The following CMTM8 variants were observed in gnomAD, a reference collection of about 807,000 sequenced individuals.
CMTM8 encodes the protein CKLF-like MARVEL transmembrane domain-containing protein 8.
In CMTM8, 12 loss-of-function variants were observed where a neutral mutation model predicts 18.6. The observed-to-expected ratio is 0.65, with a 90% CI of 0.41 to 1.05. The LOEUF (loss-of-function observed/expected upper bound fraction) is 1.05, where lower values mean the gene tolerates loss of function less well. Ranked by LOEUF, CMTM8 falls within the 50% of genes least tolerant of loss-of-function variation. The pLI is 0.00. For missense variants in CMTM8, 217 were observed against 227.2 expected (o/e 0.95, Z 0.29); for synonymous variants, 87 against 90.6 (o/e 0.96, Z 0.23).
In CMTM8 at chr3:32,312,777, G is replaced by A. The variant is rs73069420; in HGVS notation, c.148-44596G>A. On this transcript the variant is annotated intron_variant, in intron 1 of 3. Transcript: ENST00000307526. The stretch of plus-strand genomic sequence containing the variant: ...ACATGATTTGTGCCCCCTAGCAACC[G>A]CCCCCGATCCTGTGGTGGTTATCTA... Among the ~76,000 whole-genome samples, 1,181 of 151,388 alleles carry A rather than the reference G, an allele frequency of 7.8e-3. 9 individuals are homozygous for A. The highest frequency in any genetic ancestry group is 0.013 in the Non-Finnish European group (902 of 67,870).
rs369235967 is a variant in CMTM8 at position 32,239,151 on chromosome 3, G to A, written c.147+32G>A. On this transcript the variant is annotated intron_variant, in intron 1 of 3. Coordinates refer to ENST00000307526, the MANE Select transcript of CMTM8 (RefSeq NM_178868.5). ...GCCGACGGGCCGGGGGTGGCGGGGG[G>A]CTCAGCTGGACCCCGGCGCGTGCTT... 1.1e-5 allele frequency: 17 copies of A among 1,569,068 alleles called. No individual in the cohort carries two copies. In the African/African-American group the frequency reaches 1.4e-4, roughly 13 times the overall value.
In CMTM8 at chr3:32,246,339, C is replaced by T. The variant is rs1452312777; in HGVS notation, c.147+7220C>T. ...AGAGCAGGTTCTGGACATTCATTCCCCAGGGTTCCTCCCTGCTGGGTCTCT... is the reference window on the plus strand; with the variant it reads ...AGAGCAGGTTCTGGACATTCATTCCTCAGGGTTCCTCCCTGCTGGGTCTCT... On this transcript the variant is annotated intron_variant, in intron 1 of 3. Coordinates refer to ENST00000307526, the MANE Select transcript of CMTM8 (RefSeq NM_178868.5). 2.0e-5 allele frequency among the ~76,000 whole-genome samples: 3 copies of T among 152,126 alleles called. No homozygotes were observed. The South Asian group carries it at 6.2e-4, about 32-fold the overall frequency.
intron 1 of CMTM8, among the ~76,000 whole-genome samples, chr3:32,304,684 G>A (rs1266510376): frequency 1.3e-5 from 2 of 152,326 alleles, no homozygotes; most frequent in East Asian, 3.9e-4. Flanking sequence ...GTTTGCCCTG[G>A]TGGCACACAC....
intron 1 of CMTM8, among the ~76,000 whole-genome samples, chr3:32,328,356 T>G (rs1696202940): frequency 9.0e-6 from 1 of 111,484 alleles, no homozygotes; most frequent in Non-Finnish European, 1.7e-5. Flanking sequence ...GGTGATGGAG[T>G]GAGACCCTGT....
intron 2 of CMTM8, among the ~76,000 whole-genome samples, chr3:32,362,216 T>C (rs1227623408): frequency 6.6e-6 from 1 of 151,620 alleles, no homozygotes; most frequent in Non-Finnish European, 1.5e-5. Context: ...AATTTTTGTA[T>C]TTTTTTAGTA....
intron 2 of CMTM8, among the ~76,000 whole-genome samples, chr3:32,361,287 T>TTTTTTTTTTGTTTTTTTG (rs1228929205): frequency 6.0e-5 from 2 of 33,548 alleles, no homozygotes; most frequent in Admixed American, 6.1e-4. Context: ...AGCCTAAGAG[T>TTTTTTTTTTGTTTTTTTG]TTTTTTTTCT....
At chr3:32,341,860 G>A (rs911692623) in intron 1 of CMTM8, among the ~76,000 whole-genome samples, 3 of 152,012 alleles carry the variant, frequency 2.0e-5, no homozygotes, top group Non-Finnish European at 4.4e-5. Context: ...GGGCGACAGA[G>A]CAAGACTCTG....
chr3:32,271,422 G>A (rs7636660), intron 1 of CMTM8, among the ~76,000 whole-genome samples: 72,890 of 152,042 alleles, frequency 0.48, 17,890 homozygotes, highest in South Asian at 0.58. Flanking sequence ...GCCCAGCTGC[G>A]TTCTGTATTC....
In CMTM8 at chr3:32,299,447, A is replaced by T. The variant is rs1575166121; in HGVS notation, c.148-57926A>T. 3.3e-5 allele frequency among the ~76,000 whole-genome samples: 5 copies of T among 152,322 alleles called. No homozygotes were observed. In the South Asian group the frequency reaches 8.3e-4, roughly 25 times the overall value. On this transcript the variant is annotated intron_variant, in intron 1 of 3. Transcript: ENST00000307526. ...GGAGTCATTGATTCAAGAGGAAAATATAATCTGGTATTAGGTCATTTTTAA... is the reference window on the plus strand; with the variant it reads ...GGAGTCATTGATTCAAGAGGAAAATTTAATCTGGTATTAGGTCATTTTTAA...
rs1319056249 is a variant in CMTM8, at chr3:32,291,300, T to G, written c.147+52181T>G. Among the ~76,000 whole-genome samples, 6 of 152,056 alleles carry G rather than the reference T, an allele frequency of 3.9e-5. No homozygotes were observed. In the East Asian group the frequency reaches 1.2e-3, roughly 29 times the overall value. ...CCCGCCACCACATCTGGCTAATTTT[T>G]TTGTTGTTGTTGTATTTTTTTAGTA... On this transcript the variant is annotated intron_variant, in intron 1 of 3. Transcript: ENST00000307526.
intron 1 of CMTM8, among the ~76,000 whole-genome samples, chr3:32,340,129 T>G (rs962536519): frequency 6.6e-6 from 1 of 152,238 alleles, no homozygotes; most frequent in Non-Finnish European, 1.5e-5. Context: ...CTGGTACTAA[T>G]GGGTGAGAGT....
chr3:32,276,771 G>C (rs1702525717), intron 1 of CMTM8, among the ~76,000 whole-genome samples: 1 of 152,152 alleles, frequency 6.6e-6, no homozygotes, highest in African/African-American at 2.4e-5. Flanking sequence ...TCATGAAGCT[G>C]TTTGTCTGGA....
At chr3:32,252,639 G>T (rs1702127399) in intron 1 of CMTM8, among the ~76,000 whole-genome samples, 1 of 152,132 alleles carries the variant, frequency 6.6e-6, no homozygotes, top group South Asian at 2.1e-4. Context: ...AAATGAATTG[G>T]ATTTCACTCA....
intron 1 of CMTM8, among the ~76,000 whole-genome samples, chr3:32,325,825 C>T (rs989797857): frequency 2.0e-5 from 3 of 152,190 alleles, no homozygotes; most frequent in South Asian, 4.1e-4. Flanking sequence ...CTGCAGTTTT[C>T]CTTCTCATCA....
intron 1 of CMTM8, among the ~76,000 whole-genome samples, chr3:32,345,759 C>T (rs1001429507): frequency 7.9e-5 from 12 of 152,182 alleles, no homozygotes; most frequent in Non-Finnish European, 1.6e-4. Context: ...GAAGACGGTT[C>T]TGGAGATTTA....
intron 1 of CMTM8, among the ~76,000 whole-genome samples, chr3:32,242,428 C>T (rs1277654676): frequency 6.6e-6 from 1 of 151,978 alleles, no homozygotes; most frequent in African/African-American, 2.4e-5. Context: ...CTCAAGTGAT[C>T]CTCCCACCTC....
chr3:32,262,539 T>A (rs989935124), intron 1 of CMTM8, among the ~76,000 whole-genome samples: 2 of 152,254 alleles, frequency 1.3e-5, no homozygotes, highest in African/African-American at 4.8e-5. Context: ...CTGTGATTTG[T>A]GGTGCTTCTA....
intron 1 of CMTM8, among the ~76,000 whole-genome samples, chr3:32,344,085 C>T (rs1175891418): frequency 2.0e-5 from 3 of 152,128 alleles, no homozygotes; most frequent in East Asian, 1.9e-4. Context: ...CAAGATATGG[C>T]GATATTGGTT....
chr3:32,262,436 A>C, intron 1 of CMTM8, among the ~76,000 whole-genome samples: 1 of 152,196 alleles, frequency 6.6e-6, no homozygotes, highest in East Asian at 1.9e-4. Flanking sequence ...TGCAAGGGGA[A>C]TGTGGCAGAG....
Sources: allele counts gnomAD v4.1 joint callset (sites outside exome capture counted in the v4.1 genomes callset), GRCh38; gene constraint gnomAD v4.1.1; transcripts MANE v1.5; gene names NCBI Gene and HGNC (gene_info 2026-07-23, HGNC 2026-07-21).